Variants in NKAIN2 observed in about 807,000 individuals in gnomAD.
NKAIN2 encodes the protein sodium/potassium transporting ATPase interacting 2, also known as sodium/potassium-transporting ATPase subunit beta-1-interacting protein 2.
In NKAIN2, 14 loss-of-function variants were observed where a neutral mutation model predicts 32.6. That is an observed-to-expected ratio of 0.43 (90% CI 0.28 to 0.67). NKAIN2 has a LOEUF of 0.67. NKAIN2 is among the 30% of genes least tolerant of loss of function. NKAIN2 has a pLI of 0.17. For missense variants in NKAIN2, 198 were observed against 258.3 expected, an observed-to-expected ratio of 0.77 and a Z score of 1.60; for synonymous variants, 80 against 87.2, an observed-to-expected ratio of 0.92 and a Z score of 0.46.
At chr6:124,377,369 A>G (rs1219333012) in intron 3 of NKAIN2, among the ~76,000 whole-genome samples, 2 of 152,214 alleles carry the variant, frequency 1.3e-5, no homozygotes, top group Non-Finnish European at 2.9e-5. Context: ...TTTCCTAGTC[A>G]TATATTCTAA....
intron 3 of NKAIN2, among the ~76,000 whole-genome samples, chr6:124,421,245 T>A (rs1228856617): frequency 2.0e-5 from 3 of 152,094 alleles, no homozygotes; most frequent in Admixed American, 2.0e-4. Context: ...CTGTAACTGG[T>A]AACCAAAATC....
At chr6:124,808,340 C>G (rs1780699381) in intron 5 of NKAIN2, among the ~76,000 whole-genome samples, 1 of 152,082 alleles carries the variant, frequency 6.6e-6, no homozygotes, top group African/African-American at 2.4e-5. Flanking sequence ...ATACGCAAAT[C>G]AATAAATGTA....
intron 1 of NKAIN2, among the ~76,000 whole-genome samples, chr6:124,144,269 C>A (rs1031066130): frequency 3.3e-5 from 5 of 152,140 alleles, no homozygotes; most frequent in Non-Finnish European, 7.4e-5. Flanking sequence ...AGGGTACTTA[C>A]TGTGTAGTGT....
chr6:124,689,265 A>T (rs1488600692), intron 4 of NKAIN2, among the ~76,000 whole-genome samples: 1 of 152,058 alleles, frequency 6.6e-6, no homozygotes, highest in Non-Finnish European at 1.5e-5. Context: ...CTTATTTGAC[A>T]TCTGGATGTC....
chr6:124,031,192 G>A (rs988209558), intron 1 of NKAIN2, among the ~76,000 whole-genome samples: 15 of 152,058 alleles, frequency 9.9e-5, no homozygotes, highest in Admixed American at 3.3e-4. Context: ...ACAAGACGTG[G>A]CCAGCAGTAA....
At chr6:124,815,230 A>ATATATATATGTATACATG (rs1562400422) in intron 5 of NKAIN2, among the ~76,000 whole-genome samples, 6 of 138,834 alleles carry the variant, frequency 4.3e-5, no homozygotes, top group African/African-American at 1.6e-4. Flanking sequence ...ATATACATAT[A>ATATATATATGTATACATG]TATATATATA....
chr6:124,026,486 A>G (rs551984222), intron 1 of NKAIN2, among the ~76,000 whole-genome samples: 1 of 152,288 alleles, frequency 6.6e-6, no homozygotes, highest in East Asian at 1.9e-4. Flanking sequence ...TTTACTAGCT[A>G]GTATCCTCAA....
chr6:124,773,990 T>C (rs1333282750), intron 4 of NKAIN2, among the ~76,000 whole-genome samples: 1 of 151,988 alleles, frequency 6.6e-6, no homozygotes, highest in Non-Finnish European at 1.5e-5. Context: ...AAAGAGGTAA[T>C]GGGGAGACAC....
At chr6:123,839,758 AT>A in intron 1 of NKAIN2, among the ~76,000 whole-genome samples, 1 of 152,112 alleles carries the variant, frequency 6.6e-6, no homozygotes, top group Admixed American at 6.6e-5. Context: ...ATTCATGGGT[AT>A]TTATCTAGGG....
At chr6:124,064,808 G>T (rs1278970014) in intron 1 of NKAIN2, among the ~76,000 whole-genome samples, 1 of 151,416 alleles carries the variant, frequency 6.6e-6, no homozygotes, top group Non-Finnish European at 1.5e-5. Flanking sequence ...CTTGTTTTCT[G>T]TTTATTGCAT....
At chr6:124,024,040 A>C (rs2114767548) in intron 1 of NKAIN2, among the ~76,000 whole-genome samples, 1 of 152,256 alleles carries the variant, frequency 6.6e-6, no homozygotes, top group South Asian at 2.1e-4. Context: ...AAAAAATAGA[A>C]ATAGGGGGTG....
intron 3 of NKAIN2, among the ~76,000 whole-genome samples, chr6:124,578,357 T>G (rs999950029): frequency 3.5e-5 from 5 of 143,652 alleles, no homozygotes; most frequent in Admixed American, 1.4e-4. Flanking sequence ...GAAGGGAGAG[T>G]CTCAGACCTG....
intron 1 of NKAIN2, among the ~76,000 whole-genome samples, chr6:124,064,154 T>C (rs1783050107): frequency 6.6e-6 from 1 of 152,078 alleles, no homozygotes; most frequent in Non-Finnish European, 1.5e-5. Context: ...GGTTTCACCA[T>C]GTTAGCCAGG....
chr6:124,726,434 C>A (rs1307086626), intron 4 of NKAIN2, among the ~76,000 whole-genome samples: 1 of 152,128 alleles, frequency 6.6e-6, no homozygotes, highest in African/African-American at 2.4e-5. Flanking sequence ...GGAGGCACCC[C>A]CCAGCAGGGG....
intron 4 of NKAIN2, among the ~76,000 whole-genome samples, chr6:124,747,638 G>C (rs974542840): frequency 3.3e-5 from 5 of 151,750 alleles, no homozygotes; most frequent in African/African-American, 1.2e-4. Context: ...TGCTTAAACA[G>C]TTATGAATTA....
At chr6:124,683,335 T>G (rs1370212199) in intron 4 of NKAIN2, among the ~76,000 whole-genome samples, 1 of 152,148 alleles carries the variant, frequency 6.6e-6, no homozygotes, top group African/African-American at 2.4e-5. Context: ...AATGAGACTT[T>G]CTCTATATTG....
intron 4 of NKAIN2, among the ~76,000 whole-genome samples, chr6:124,771,831 G>A (rs972075960): frequency 1.3e-5 from 2 of 152,140 alleles, no homozygotes; most frequent in South Asian, 2.1e-4. Context: ...GAGTTTTGAA[G>A]AAGCCAGAAG....
chr6:124,668,032 G>C (rs559314780), intron 4 of NKAIN2, among the ~76,000 whole-genome samples: 2 of 152,050 alleles, frequency 1.3e-5, no homozygotes, highest in African/African-American at 4.8e-5. Context: ...CACTGTGGCT[G>C]CTTCTGTCCT....
chr6:123,965,961 G>A (rs1309756876), intron 1 of NKAIN2, among the ~76,000 whole-genome samples: 3 of 152,160 alleles, frequency 2.0e-5, no homozygotes, highest in East Asian at 1.9e-4. Flanking sequence ...TAAAATAAGC[G>A]TAGGCAAGTC....
Sources: allele counts gnomAD v4.1 joint callset (sites outside exome capture counted in the v4.1 genomes callset), GRCh38; gene constraint gnomAD v4.1.1; transcripts MANE v1.5; gene names NCBI Gene and HGNC (gene_info 2026-07-23, HGNC 2026-07-21).